TENM2: variants seen among roughly 807,000 people sequenced by gnomAD.
The protein encoded by TENM2 is teneurin transmembrane protein 2, also known as teneurin-2.
In TENM2, 52 loss-of-function variants were observed where a neutral mutation model predicts 245.2. The observed-to-expected ratio is 0.21, with a 90% CI of 0.17 to 0.27. The LOEUF (loss-of-function observed/expected upper bound fraction) is 0.27. Among genes scored for constraint, TENM2 ranks in the 10% least tolerant of loss-of-function variants. TENM2 has a pLI of 1.00. For synonymous variants in TENM2, 1,363 were observed against 1,438.9 expected, an observed-to-expected ratio of 0.95 and a Z score of 1.19; for missense variants, 3,046 against 3,666.8, an observed-to-expected ratio of 0.83 and a Z score of 4.37.
At chr5:167,076,195 G>T in the TENM2 span, among the ~76,000 whole-genome samples, 3 of 152,060 alleles carry the variant, frequency 2.0e-5, no homozygotes, top group Admixed American at 6.6e-5. Context: ...TGGATTCAGA[G>T]AAAACACTAG....
chr5:167,902,354 G>C (rs1019726972), intron 3 of TENM2, among the ~76,000 whole-genome samples: 1 of 152,216 alleles, frequency 6.6e-6, no homozygotes, highest in African/African-American at 2.4e-5. Flanking sequence ...GTTGGAATCT[G>C]GAAGGCTGGC....
chr5:167,863,616 C>G (rs553812602), intron 2 of TENM2, among the ~76,000 whole-genome samples: 2 of 152,114 alleles, frequency 1.3e-5, no homozygotes, highest in Non-Finnish European at 2.9e-5. Context: ...TGTACTCCAG[C>G]CTGGGTGACA....
rs545129961 is a variant in TENM2, at chr5:167,842,416, C to T, written c.503-33570C>T. ...CCAGCCTGGCCAACTTGGTGAAAGA[C>T]TATCTCTACTAAAAATACAAAAATT... On this transcript the variant is annotated intron_variant, in intron 2 of 28. Transcript: ENST00000518659. Among the ~76,000 whole-genome samples the T allele has an allele frequency of 2.0e-3, 299 of 151,922 alleles. 1 individual carries two copies. The highest frequency in any genetic ancestry group is 6.9e-3 in the African/African-American group (287 of 41,436).
intron 23 of TENM2, among the ~76,000 whole-genome samples, chr5:168,223,913 A>T (rs1763903927): frequency 8.0e-6 from 1 of 124,690 alleles, no homozygotes; most frequent in African/African-American, 2.9e-5. Flanking sequence ...GATATTTTTT[A>T]CCCCTCCCTG....
At chr5:167,901,707 G>T (rs931076762) in intron 3 of TENM2, among the ~76,000 whole-genome samples, 1 of 152,138 alleles carries the variant, frequency 6.6e-6, no homozygotes, top group Non-Finnish European at 1.5e-5. Context: ...TAAATATTAT[G>T]CTAGAGCACC....
the TENM2 span, among the ~76,000 whole-genome samples, chr5:167,133,498 A>AAT: frequency 6.6e-6 from 1 of 152,140 alleles, no homozygotes; most frequent in Non-Finnish European, 1.5e-5. Context: ...CAGAAACTCA[A>AAT]ATACCTGTGG....
the TENM2 span, among the ~76,000 whole-genome samples, chr5:167,102,629 T>G: frequency 6.6e-6 from 1 of 152,256 alleles, no homozygotes; most frequent in East Asian, 1.9e-4. Context: ...GGAGGGTGGT[T>G]TTAGACTTCA....
the TENM2 span, among the ~76,000 whole-genome samples, chr5:166,985,846 A>T: frequency 1.3e-5 from 2 of 152,156 alleles, no homozygotes; most frequent in Non-Finnish European, 2.9e-5. Flanking sequence ...TCATCACCCA[A>T]AAAAGTGACA....
chr5:167,875,848 A>C (rs1259256953), intron 2 of TENM2, 138 bp from the exon 5 acceptor site: 2 of 638,942 alleles, frequency 3.1e-6, no homozygotes, highest in Admixed American at 5.9e-5. Flanking sequence ...CACTCTTTTA[A>C]AAAAGCACAT....
In TENM2 at chr5:167,300,312, T is replaced by A. The variant is rs556391880; in HGVS notation, c.226+15249T>A. On this transcript the variant is annotated intron_variant, in intron 1 of 28. Transcript: ENST00000518659. ...AAGCCTTGCGGCAGTACAGCCCAGG[T>A]AATTTGCTGAGCCTAATGGGTGTCA... Among the ~76,000 whole-genome samples, 6 of 152,256 alleles carry A rather than the reference T, an allele frequency of 3.9e-5. No individual in the cohort carries two copies. The South Asian group carries it at 1.2e-3, about 32-fold the overall frequency.
At chr5:167,316,586 CGCATA>C (rs1477345362) in intron 1 of TENM2, among the ~76,000 whole-genome samples, 1 of 152,100 alleles carries the variant, frequency 6.6e-6, no homozygotes, top group Non-Finnish European at 1.5e-5. Flanking sequence ...TGTGTGTATA[CGCATA>C]CATATACATA....
intron 2 of TENM2, among the ~76,000 whole-genome samples, chr5:167,592,783 C>T (rs1387119309): frequency 6.6e-6 from 1 of 152,082 alleles, no homozygotes; most frequent in Admixed American, 6.6e-5. Flanking sequence ...CTCTTATTTA[C>T]TTAAATAAAA....
chr5:167,739,909 T>C (rs1171408343), intron 2 of TENM2, among the ~76,000 whole-genome samples: 1 of 152,188 alleles, frequency 6.6e-6, no homozygotes, highest in Non-Finnish European at 1.5e-5. Context: ...TGATAACTAA[T>C]TACTTGTGAC....
intron 2 of TENM2, among the ~76,000 whole-genome samples, chr5:167,569,946 G>C (rs1035936461): frequency 9.2e-5 from 14 of 152,148 alleles, no homozygotes; most frequent in African/African-American, 3.4e-4. Context: ...CACTGTGATA[G>C]CTATGGGAAT....
chr5:168,067,029 T>A (rs941950664), intron 7 of TENM2, among the ~76,000 whole-genome samples: 6 of 152,186 alleles, frequency 3.9e-5, no homozygotes, highest in Non-Finnish European at 8.8e-5. Context: ...CAAGAACAAG[T>A]CAATAATTGG....
chr5:167,095,383 A>C, the TENM2 span, among the ~76,000 whole-genome samples: 5 of 152,116 alleles, frequency 3.3e-5, no homozygotes, highest in African/African-American at 1.2e-4. Flanking sequence ...GGCAGTGGAA[A>C]ATAAAGAAGG....
intron 3 of TENM2, among the ~76,000 whole-genome samples, chr5:167,887,901 T>C (rs1270346949): frequency 6.6e-6 from 1 of 152,154 alleles, no homozygotes; most frequent in Non-Finnish European, 1.5e-5. Context: ...TTCTAGCTTG[T>C]GGTAGCTGCC....
intron 2 of TENM2, among the ~76,000 whole-genome samples, chr5:167,499,341 A>G (rs553968280): frequency 3.3e-5 from 5 of 152,292 alleles, no homozygotes; most frequent in African/African-American, 1.2e-4. Context: ...AGCTCAGAGA[A>G]TCACTAGGCA....
intron 3 of TENM2, among the ~76,000 whole-genome samples, chr5:167,905,254 A>G (rs1381637728): frequency 6.6e-6 from 1 of 152,144 alleles, no homozygotes; most frequent in Non-Finnish European, 1.5e-5. Context: ...AAAAAAATCA[A>G]CTTTCAACCT....
Sources: gnomAD v4.1 joint callset for allele counts (sites outside exome capture counted in the v4.1 genomes callset) on GRCh38, gnomAD v4.1.1 for gene constraint, MANE v1.5 for transcripts, NCBI Gene and HGNC (gene_info 2026-07-23, HGNC 2026-07-21) for gene names.